The following EPB41L2 variants were observed in gnomAD, a reference collection of about 807,000 sequenced individuals.
EPB41L2 encodes band 4.1-like protein 2.
EPB41L2 carries 43 observed loss-of-function variants against 113.0 expected under a neutral mutation model. That is an observed-to-expected ratio of 0.38 (90% CI 0.30 to 0.49). The LOEUF is 0.49. EPB41L2 is among the 20% of genes least tolerant of loss of function. The probability of loss-of-function intolerance (pLI) is 0.95; values close to 1 mark genes in which losing one functional copy is unlikely to be tolerated. For missense variants in EPB41L2, 1,147 were observed against 1,223.4 expected, an observed-to-expected ratio of 0.94 and a Z score of 0.93; for synonymous variants, 442 against 436.7, an observed-to-expected ratio of 1.01 and a Z score of -0.15.
In EPB41L2 at chr6:130,869,998, A is replaced by G. The variant is rs778645504; in HGVS notation, c.2172T>C (p.Arg724=). The G allele has an allele frequency of 6.2e-7, 1 of 1,613,872 alleles. No homozygotes were observed. Among genetic ancestry groups the G allele is most frequent in the Non-Finnish European group, 8.5e-7 (1 of 1,180,008 alleles). Residue 724 remains arginine (R), a synonymous_variant, in exon 15 of 20, where the codon CGT becomes CGC. Coordinates refer to ENST00000337057, the MANE Select transcript of EPB41L2 (RefSeq NM_001431.4). The stretch of plus-strand genomic sequence containing the variant: ...CTTTTTGTGTCACAGGCTCCACCTT[A>G]CGAATCTCCCCAGGACCACTCCCAG... ...ISPGSGPGEI[R]KVEPVTQKDS...
Position 131,024,449 on chromosome 6 carries a change from T to C in EPB41L2, c.-15+38706A>G, listed in dbSNP as rs142658333. Among the ~76,000 whole-genome samples, 179 of 152,120 alleles carry C rather than the reference T, an allele frequency of 1.2e-3. 1 individual carries two copies. The highest frequency in any genetic ancestry group is 6.8e-3 in the Middle Eastern group (2 of 294). On this transcript the variant is annotated intron_variant, in intron 1 of 19. Transcript: ENST00000337057. ...TCCAGCTGCAAGAGGTTCCCAAAACTAAGCATCTCTGTCGTAGAATGGCAT... is the reference window on the plus strand; with the variant it reads ...TCCAGCTGCAAGAGGTTCCCAAAACCAAGCATCTCTGTCGTAGAATGGCAT...
At chr6:130,894,288 G>A (rs1793887511) in intron 10 of EPB41L2, 56 bp downstream of exon 10, 1 of 1,416,904 alleles carries the variant, frequency 7.1e-7, no homozygotes, top group Non-Finnish European at 1.0e-6. Context: ...CTGAGTCAGT[G>A]GAATTACAGG....
chr6:130,983,020 C>G (rs1779726072), intron 1 of EPB41L2, among the ~76,000 whole-genome samples: 1 of 152,178 alleles, frequency 6.6e-6, no homozygotes. Flanking sequence ...CACCATGATG[C>G]TTATATAGCC....
chr6:131,013,947 A>C (rs781513889), intron 1 of EPB41L2, among the ~76,000 whole-genome samples: 1 of 152,180 alleles, frequency 6.6e-6, no homozygotes, highest in Non-Finnish European at 1.5e-5. Context: ...TTATATCCAA[A>C]TCGTCCAGGA....
chr6:130,987,348 G>A (rs144173939), intron 1 of EPB41L2, among the ~76,000 whole-genome samples: 163 of 152,262 alleles, frequency 1.1e-3, no homozygotes, highest in African/African-American at 3.6e-3. Context: ...AGTAGTATAC[G>A]TGGGTTCCAA....
chr6:130,917,987 G>C (rs1801664423), intron 4 of EPB41L2, among the ~76,000 whole-genome samples: 1 of 152,084 alleles, frequency 6.6e-6, no homozygotes, highest in Non-Finnish European at 1.5e-5. Flanking sequence ...TTTCTCACAG[G>C]AATTTATAGT....
chr6:131,057,808 G>T (rs1455902957), intron 1 of EPB41L2, among the ~76,000 whole-genome samples: 2 of 152,162 alleles, frequency 1.3e-5, no homozygotes, highest in African/African-American at 4.8e-5. Flanking sequence ...AGAAAGATTT[G>T]ATTTAAATGC....
chr6:130,968,673 G>A (rs1053730250), intron 1 of EPB41L2, among the ~76,000 whole-genome samples: 2 of 152,070 alleles, frequency 1.3e-5, no homozygotes, highest in Non-Finnish European at 2.9e-5. Context: ...TTCCCTCGGC[G>A]GGAAAAGCTG....
chr6:131,062,024 C>A (rs1000196231), intron 1 of EPB41L2, among the ~76,000 whole-genome samples: 3 of 152,012 alleles, frequency 2.0e-5, no homozygotes, highest in African/African-American at 4.8e-5. Context: ...TAGATTCCAC[C>A]TTCTCTCCCA....
intron 1 of EPB41L2, among the ~76,000 whole-genome samples, chr6:130,998,873 C>A (rs1783724624): frequency 6.6e-6 from 1 of 152,136 alleles, no homozygotes. Flanking sequence ...ACCTCAGTGA[C>A]TCCACTGAGA....
At position 130,879,490 on chromosome 6, in the gene EPB41L2, G is replaced by A. The variant is rs183144068; in HGVS notation, c.1896+654C>T. 7.9e-5 allele frequency among the ~76,000 whole-genome samples: 12 copies of A among 152,102 alleles called. No individual in the cohort carries two copies. In the East Asian group the frequency reaches 1.9e-3, roughly 24 times the overall value. On this transcript the variant is annotated intron_variant, in intron 13 of 19. Transcript: ENST00000337057. ...ATTGAATACATTGCCACATACTACT[G>A]TAAAATAAGAAGGGAAAAAAAAATG...
chr6:130,936,534 T>C (rs764008696), intron 3 of EPB41L2, among the ~76,000 whole-genome samples: 11 of 152,164 alleles, frequency 7.2e-5, no homozygotes, highest in African/African-American at 9.7e-5. Flanking sequence ...TACAAAGACA[T>C]TGCAAATATA....
chr6:130,911,308 G>A (rs1160727879), intron 4 of EPB41L2, among the ~76,000 whole-genome samples: 1 of 152,138 alleles, frequency 6.6e-6, no homozygotes, highest in East Asian at 1.9e-4. Flanking sequence ...TCATAAGTGG[G>A]AGCTGAACAA....
chr6:130,944,693 G>C (rs1346385208), intron 3 of EPB41L2, among the ~76,000 whole-genome samples: 1 of 152,160 alleles, frequency 6.6e-6, no homozygotes, highest in African/African-American at 2.4e-5. Flanking sequence ...AAACTGGAAG[G>C]AAGGCCAGGC....
chr6:130,903,812 G>A (rs979753786), intron 6 of EPB41L2, among the ~76,000 whole-genome samples: 14 of 152,124 alleles, frequency 9.2e-5, no homozygotes, highest in African/African-American at 3.1e-4. Flanking sequence ...CAGTCTAACT[G>A]GGCTAAGATT....
intron 19 of EPB41L2, among the ~76,000 whole-genome samples, chr6:130,852,589 A>T (rs1779087051): frequency 6.6e-6 from 1 of 152,164 alleles, no homozygotes; most frequent in Non-Finnish European, 1.5e-5. Context: ...ATGATGTGTG[A>T]TTCTCCTCTG....
At chr6:130,841,799 G>A (rs1462326914) in intron 19 of EPB41L2, among the ~76,000 whole-genome samples, 1 of 152,206 alleles carries the variant, frequency 6.6e-6, no homozygotes, top group Non-Finnish European at 1.5e-5. Flanking sequence ...TTGGGCATCA[G>A]AACAAGGGAT....
rs1290720658 is a variant in EPB41L2 at position 130,956,240 on chromosome 6, A to T, written c.246T>A (p.Leu82=). 1 of 1,613,856 alleles carries T rather than the reference A, an allele frequency of 6.2e-7. No individual in the cohort carries two copies. Among genetic ancestry groups the T allele is most frequent in the Admixed American group, 1.7e-5 (1 of 59,996 alleles). Residue 82 remains leucine (L), a synonymous_variant, in exon 2 of 20, where the codon CTT becomes CTA. Transcript: ENST00000337057. ...RGISRFIPPW[L]KKQKSYTLVV... ...CTAAGGTATATGACTTTTGCTTCTT[A>T]AGCCATGGCGGTATGAACCGAGAAA...
chr6:130,890,318 G>A lies in EPB41L2; in HGVS notation c.1636C>T (p.Arg546Trp), dbSNP rs149647551. ...APHFERTSSK[R>W]VSRSLDGAPI... Reference sequence around the variant, plus strand: ...CCTCCATCTAGACTCCTGGAGACCCGTTTACTAGAAGTGCGCTCAAAGTGT... The same window carrying A: ...CCTCCATCTAGACTCCTGGAGACCCATTTACTAGAAGTGCGCTCAAAGTGT... Residue 546 changes from arginine to tryptophan, a missense_variant, in exon 11 of 20, where the codon CGG (arginine) becomes TGG (tryptophan). Physicochemically the swap from Arg to Trp is moderately radical, Grantham distance 101. Coordinates refer to ENST00000337057, the MANE Select transcript of EPB41L2 (RefSeq NM_001431.4). 80 of 1,612,026 alleles carry A rather than the reference G, an allele frequency of 5.0e-5. 1 individual carries two copies. In the African/African-American group the frequency reaches 6.3e-4, roughly 13 times the overall value.
Sources: allele counts gnomAD v4.1 joint callset (sites outside exome capture counted in the v4.1 genomes callset), GRCh38; gene constraint gnomAD v4.1.1; transcripts MANE v1.5; gene names NCBI Gene and HGNC (gene_info 2026-07-23, HGNC 2026-07-21).